Variants in AFF4 observed in about 807,000 individuals in gnomAD.
The protein encoded by AFF4 is AF4/FMR2 family member 4.
AFF4 carries 13 observed loss-of-function variants against 124.8 expected under a neutral mutation model. The ratio of observed to expected loss-of-function variants is 0.10; its 90% confidence interval spans 0.07 to 0.17. The LOEUF (loss-of-function observed/expected upper bound fraction) is 0.17, where lower values mean the gene tolerates loss of function less well. Ranked by LOEUF, AFF4 falls within the 10% of genes least tolerant of loss-of-function variation. The pLI is 1.00. For missense variants in AFF4, 1,092 were observed against 1,403.8 expected, an observed-to-expected ratio of 0.78 and a Z score of 3.55; for synonymous variants, 477 against 496.1, an observed-to-expected ratio of 0.96 and a Z score of 0.51.
At chr5:132,898,512 C>G in intron 9 of AFF4, 120 bp from the exon 10 acceptor site, 1 of 1,069,262 alleles carries the variant, frequency 9.4e-7, no homozygotes, top group Non-Finnish European at 1.3e-6. Context: ...TAGACGGAGT[C>G]TTGCTCTGTG....
At chr5:132,908,377 T>C (rs567678599) in intron 5 of AFF4, among the ~76,000 whole-genome samples, 4 of 152,258 alleles carry the variant, frequency 2.6e-5, no homozygotes, top group African/African-American at 7.2e-5. Context: ...CTGGTTTCAC[T>C]GGATGCCACA....
rs1194870512 is a variant in AFF4 at position 132,908,772 on chromosome 5, A to ATT, written c.1051-4369_1051-4368insAA. Among the ~76,000 whole-genome samples, 485 of 102,786 alleles carry ATT rather than the reference A, an allele frequency of 4.7e-3. 1 individual carries two copies. The highest frequency in any genetic ancestry group is 0.014 in the Middle Eastern group (3 of 214). The allele number at this position is 102,786 out of a possible 152,430, so 67.4% of individuals were successfully genotyped here. On this transcript the variant is annotated intron_variant, in intron 5 of 20. Coordinates refer to ENST00000265343, the MANE Select transcript of AFF4 (RefSeq NM_014423.4). ...TATATATATACATATATATATATAT[A>ATT]TATATTTTTTTTTTTTGAGACGGAA... is the stretch of plus-strand genomic sequence containing the variant.
chr5:132,888,936 T>G (rs1409175371), intron 14 of AFF4, 143 bp downstream of exon 14: 1 of 676,472 alleles, frequency 1.5e-6, no homozygotes, highest in Non-Finnish European at 2.6e-6. Flanking sequence ...GACCTCGTGA[T>G]CTGCCTGCCT....
chr5:132,888,329 A>G (rs767330880), intron 14 of AFF4, among the ~76,000 whole-genome samples, 169 bp from the exon 15 acceptor site: 4 of 152,010 alleles, frequency 2.6e-5, no homozygotes, highest in African/African-American at 4.8e-5. Flanking sequence ...GGTTAAAAGC[A>G]TAAGTTGTTT....
Position 132,896,615 on chromosome 5 carries a change from T to G in AFF4, c.2015A>C (p.Asn672Thr). The G allele has an allele frequency of 6.2e-7, 1 of 1,614,144 alleles. No individual in the cohort carries two copies. Among genetic ancestry groups the G allele is most frequent in the Non-Finnish European group, 8.5e-7 (1 of 1,180,026 alleles). The change falls in exon 11 of 21, where the codon AAT becomes ACT. Residue 672 changes from asparagine to threonine, a missense_variant. Asn to Thr is a moderately conservative substitution (Grantham distance 65). Transcript: ENST00000265343. ...SSQTPKYPES[N>T]RTPVKPSSVE... ...TGAGGAGGGTTTAACAGGAGTCCTA[T>G]TGCTCTCGGGGTACTTAGGAGTTTG...
rs374931099 is a variant in AFF4 at position 132,953,261 on chromosome 5, G to C, written c.-5+9998C>G. Among the ~76,000 whole-genome samples, 16 of 151,808 alleles carry C rather than the reference G, an allele frequency of 1.1e-4. No individual in the cohort carries two copies. The East Asian group carries it at 2.3e-3, about 22-fold the overall frequency. On this transcript the variant is annotated intron_variant, in intron 1 of 20. Coordinates refer to ENST00000265343, the MANE Select transcript of AFF4 (RefSeq NM_014423.4). ...TAATTTCGATTTTTTATTTTTTAGA[G>C]ACAGGGTCTCAGTCTGTCACCCAGG...
At chr5:132,883,904 A>AT (rs1388361291) in intron 19 of AFF4, among the ~76,000 whole-genome samples, 2 of 152,128 alleles carry the variant, frequency 1.3e-5, no homozygotes, top group South Asian at 2.1e-4. Flanking sequence ...ATAATTACAT[A>AT]TTTTTTATAC....
At chr5:132,882,860 A>AG (rs1760018280) in intron 20 of AFF4, among the ~76,000 whole-genome samples, 1 of 151,382 alleles carries the variant, frequency 6.6e-6, no homozygotes, top group South Asian at 2.1e-4. Flanking sequence ...ATCTCAAAAA[A>AG]AAAAAAAAAA....
intron 5 of AFF4, chr5:132,926,171 G>A (rs980294394): frequency 4.7e-6 from 2 of 421,122 alleles, no homozygotes; most frequent in Non-Finnish European, 9.4e-6. Flanking sequence ...TACATGTAAT[G>A]ATTATATATG....
rs1038428468 is a variant in AFF4, at chr5:132,901,899, T to A, written c.1133+543A>T. ...GTTTTAAAGAGTGTGGCTGGAATAC[T>A]GCCACACTTAGGGTCTACAGCTGCT... On this transcript the variant is annotated intron_variant, in intron 7 of 20. Coordinates refer to ENST00000265343, the MANE Select transcript of AFF4 (RefSeq NM_014423.4). 2.0e-5 allele frequency among the ~76,000 whole-genome samples: 3 copies of A among 152,334 alleles called. No individual in the cohort carries two copies. The East Asian group carries it at 5.8e-4, about 29-fold the overall frequency.
chr5:132,938,329 G>C (rs192071107), intron 1 of AFF4, among the ~76,000 whole-genome samples: 1 of 150,760 alleles, frequency 6.6e-6, no homozygotes, highest in South Asian at 2.1e-4. Context: ...GCGGTGGTGC[G>C]ATCTCCCAGC....
At chr5:132,908,269 AT>A (rs1293975334) in intron 5 of AFF4, among the ~76,000 whole-genome samples, 1 of 152,194 alleles carries the variant, frequency 6.6e-6, no homozygotes, top group African/African-American at 2.4e-5. Context: ...TTTTAGAGTA[AT>A]TTTTAAATAT....
intron 1 of AFF4, among the ~76,000 whole-genome samples, chr5:132,941,694 G>T (rs544915439): frequency 1.3e-5 from 2 of 152,138 alleles, no homozygotes; most frequent in East Asian, 3.9e-4. Context: ...CAGATGTGTG[G>T]GGTTTTTTTT....
intron 5 of AFF4, among the ~76,000 whole-genome samples, chr5:132,925,826 T>C (rs1419889698): frequency 1.3e-5 from 2 of 152,212 alleles, no homozygotes; most frequent in East Asian, 3.8e-4. Context: ...GTAATAGAAC[T>C]ATGGAAGGAA....
chr5:132,944,315 C>T (rs1475307826), intron 1 of AFF4, among the ~76,000 whole-genome samples: 1 of 127,288 alleles, frequency 7.9e-6, no homozygotes, highest in Admixed American at 7.5e-5. Flanking sequence ...CCAGCCTGGG[C>T]GACAGCGCGA....
intron 7 of AFF4, 125 bp from the exon 8 acceptor site, chr5:132,899,766 A>G (rs575230257): frequency 3.4e-4 from 239 of 702,434 alleles, no homozygotes; most frequent in Admixed American, 2.6e-3. Context: ...CCAAAAAACA[A>G]AACACCAGTA....
intron 4 of AFF4, 34 bp downstream of exon 4, chr5:132,932,144 A>G: frequency 6.5e-7 from 1 of 1,534,544 alleles, no homozygotes; most frequent in Non-Finnish European, 8.9e-7. Flanking sequence ...TAAAAAATTA[A>G]AGAAATTGAA....
At chr5:132,918,379 C>T (rs1042095307) in intron 5 of AFF4, among the ~76,000 whole-genome samples, 9 of 137,252 alleles carry the variant, frequency 6.6e-5, no homozygotes, top group Non-Finnish European at 1.6e-5. Flanking sequence ...ACAAAAAAAT[C>T]AGCCAGGCAC....
intron 1 of AFF4, among the ~76,000 whole-genome samples, chr5:132,952,646 C>T (rs1761871947): frequency 6.6e-6 from 1 of 152,220 alleles, no homozygotes; most frequent in South Asian, 2.1e-4. Context: ...GTAATCCCAG[C>T]ATTTTGGGAG....
Sources: allele counts gnomAD v4.1 joint callset (sites outside exome capture counted in the v4.1 genomes callset), GRCh38; gene constraint gnomAD v4.1.1; transcripts MANE v1.5; gene names NCBI Gene and HGNC (gene_info 2026-07-23, HGNC 2026-07-21).